Variants in CDH18 observed in about 807,000 individuals in gnomAD.
CDH18 encodes the protein cadherin 18.
In CDH18, 31 loss-of-function variants were observed where a neutral mutation model predicts 67.9. The ratio of observed to expected loss-of-function variants is 0.46; its 90% confidence interval spans 0.34 to 0.62. The LOEUF is 0.62. Among genes scored for constraint, CDH18 ranks in the 20% least tolerant of loss-of-function variants. The pLI is 0.01. For missense variants in CDH18, 890 were observed against 975.5 expected (o/e 0.91, Z 1.17); for synonymous variants, 362 against 347.2 (o/e 1.04, Z -0.48).
chr5:19,483,370 A>C lies in CDH18; in HGVS notation c.1813T>G (p.Phe605Val), dbSNP rs1267725414. The C allele has an allele frequency of 6.2e-7, 1 of 1,614,172 alleles. No homozygotes were observed. Among genetic ancestry groups the C allele is most frequent in the Non-Finnish European group, 8.5e-7 (1 of 1,180,022 alleles). The change falls in exon 12 of 13, where the codon TTC (phenylalanine) becomes GTC (valine). Residue 605 changes from phenylalanine (F) to valine (V), a missense_variant. Phe to Val is a conservative substitution (Grantham distance 50, BLOSUM62 -1). Transcript: ENST00000382275. ...GTACTCAAACCAGCCGAGGACAGGA[A>C]GGCTTCTGCATGGCAGGTCCGCACA... ...GRVRTCHAEA[F>V]LSSAGLSTGA...
chr5:20,206,397 A>G (rs1399460984), intron 2 of CDH18, among the ~76,000 whole-genome samples: 1 of 151,954 alleles, frequency 6.6e-6, no homozygotes, highest in Non-Finnish European at 1.5e-5. Flanking sequence ...GACGAACTCT[A>G]CCAAACATTT....
chr5:19,510,346 G>A (rs1297610069), intron 10 of CDH18, among the ~76,000 whole-genome samples: 1 of 152,080 alleles, frequency 6.6e-6, no homozygotes, highest in African/African-American at 2.4e-5. Flanking sequence ...GTAATGATTT[G>A]TCTAAATGTG....
intron 12 of CDH18, among the ~76,000 whole-genome samples, chr5:19,475,780 G>C (rs1738357029): frequency 6.6e-6 from 1 of 151,750 alleles, no homozygotes; most frequent in Non-Finnish European, 1.5e-5. Context: ...CATTGTGTCT[G>C]GCAACCTTGA....
At chr5:19,993,808 C>G (rs1206830157) in intron 2 of CDH18, among the ~76,000 whole-genome samples, 1 of 151,854 alleles carries the variant, frequency 6.6e-6, no homozygotes, top group South Asian at 2.1e-4. Context: ...CCTGGAGAAC[C>G]CTGACTGATA....
At chr5:20,171,231 C>G (rs747567406) in intron 2 of CDH18, among the ~76,000 whole-genome samples, 11 of 152,000 alleles carry the variant, frequency 7.2e-5, no homozygotes, top group Non-Finnish European at 1.3e-4. Flanking sequence ...TGGGTACATA[C>G]TCAATAATGG....
intron 1 of CDH18, among the ~76,000 whole-genome samples, chr5:20,317,358 TA>T (rs947589900): frequency 4.6e-5 from 7 of 152,230 alleles, no homozygotes; most frequent in African/African-American, 1.7e-4. Context: ...GCACCTGTTT[TA>T]AAAGTTTATA....
At chr5:19,707,356 G>A (rs951982053) in intron 5 of CDH18, among the ~76,000 whole-genome samples, 11 of 152,178 alleles carry the variant, frequency 7.2e-5, no homozygotes, top group African/African-American at 2.7e-4. Context: ...TATGATAGTG[G>A]TGATCACCAT....
At chr5:20,525,943 A>T (rs1756026974) in intron 1 of CDH18, among the ~76,000 whole-genome samples, 1 of 152,182 alleles carries the variant, frequency 6.6e-6, no homozygotes, top group Admixed American at 6.6e-5. Context: ...AAGAAAAAAC[A>T]GGAGAGTGTC....
At chr5:19,488,625 C>A (rs1393658046) in intron 11 of CDH18, among the ~76,000 whole-genome samples, 1 of 152,108 alleles carries the variant, frequency 6.6e-6, no homozygotes, top group Non-Finnish European at 1.5e-5. Context: ...GTGCATGCAT[C>A]AAACAATGGT....
chr5:19,955,835 C>T (rs975891944), intron 2 of CDH18, among the ~76,000 whole-genome samples: 10 of 151,970 alleles, frequency 6.6e-5, no homozygotes, highest in Non-Finnish European at 1.0e-4. Flanking sequence ...TGGATCCCAT[C>T]ATCCAGTAAA....
intron 3 of CDH18, among the ~76,000 whole-genome samples, chr5:19,790,540 G>A (rs1302736824): frequency 6.6e-6 from 1 of 152,118 alleles, no homozygotes; most frequent in African/African-American, 2.4e-5. Context: ...TAAAGTAACA[G>A]TAGGAGTGTC....
At position 19,593,685 on chromosome 5, in the gene CDH18, T is replaced by TCC. The variant is rs1208302580; in HGVS notation, c.812-2442_812-2441insGG. Among the ~76,000 whole-genome samples the TCC allele has an allele frequency of 4.8e-5, 3 of 62,436 alleles. No individual in the cohort carries two copies. The East Asian group carries it at 3.6e-3, about 74-fold the overall frequency. 41.0% of individuals were successfully genotyped at this position (62,436 alleles called of 152,430 possible). ...CCTTCTACCTCCTTCTTCCTCCTCC[T>TCC]TCTCTTCCTCTTCCTCCTCCTCCTT... On this transcript the variant is annotated intron_variant, in intron 6 of 12. Transcript: ENST00000382275.
intron 1 of CDH18, among the ~76,000 whole-genome samples, chr5:20,501,594 TTA>T (rs370110007): frequency 2.3e-4 from 8 of 35,292 alleles, no homozygotes; most frequent in Admixed American, 3.8e-4. Context: ...TATATATATA[TTA>T]TATATATATA....
chr5:19,502,623 C>A (rs373309584), intron 11 of CDH18: 3 of 408,452 alleles, frequency 7.3e-6, no homozygotes, highest in Non-Finnish European at 1.3e-5. Context: ...CATTGCATTT[C>A]CTTTAGTAAC....
chr5:20,411,574 T>C (rs927254397), intron 1 of CDH18, among the ~76,000 whole-genome samples: 1 of 151,520 alleles, frequency 6.6e-6, no homozygotes, highest in African/African-American at 2.4e-5. Flanking sequence ...ATAACAAAGG[T>C]ATGAACAGCA....
intron 1 of CDH18, among the ~76,000 whole-genome samples, chr5:20,256,979 T>C (rs1334936556): frequency 1.3e-5 from 1 of 79,646 alleles, no homozygotes; most frequent in Admixed American, 1.5e-4. Flanking sequence ...TCTATATCTA[T>C]ATCTATATCT....
At chr5:20,273,862 A>C (rs111558676) in intron 1 of CDH18, among the ~76,000 whole-genome samples, 53 of 152,278 alleles carry the variant, frequency 3.5e-4, no homozygotes, top group African/African-American at 1.3e-3. Context: ...TACAGGTTAA[A>C]GTGTATCCTT....
At chr5:20,483,076 G>T (rs1254163482) in intron 1 of CDH18, among the ~76,000 whole-genome samples, 1 of 151,952 alleles carries the variant, frequency 6.6e-6, no homozygotes, top group Non-Finnish European at 1.5e-5. Flanking sequence ...AAAGTTGAAG[G>T]ATGTAACATC....
chr5:19,612,575 T>C lies in CDH18; in HGVS notation c.670A>G (p.Met224Val), dbSNP rs764860829. The C allele has an allele frequency of 6.2e-7, 1 of 1,613,862 alleles. No individual in the cohort carries two copies. The change falls in exon 6 of 13, where the codon ATG becomes GTG. Residue 224 changes from methionine to valine, a missense_variant. Coordinates refer to ENST00000382275, the MANE Select transcript of CDH18 (RefSeq NM_004934.5). ...TGVIRTALHN[M>V]DREAREHYSV... ...TAATGTTCTCTGGCTTCTCTGTCCA[T>C]GTTATGTAAGGCCGTTCTAATAACT... is the stretch of plus-strand genomic sequence containing the variant.
Sources: gnomAD v4.1 joint callset for allele counts (sites outside exome capture counted in the v4.1 genomes callset) on GRCh38, gnomAD v4.1.1 for gene constraint, MANE v1.5 for transcripts, NCBI Gene and HGNC (gene_info 2026-07-23, HGNC 2026-07-21) for gene names.